The following TNC variants were observed in gnomAD, a reference collection of about 807,000 sequenced individuals.
The protein encoded by TNC is tenascin C.
TNC carries 109 observed loss-of-function variants against 202.4 expected under a neutral mutation model. The observed-to-expected ratio is 0.54, with a 90% CI of 0.46 to 0.63. The LOEUF (loss-of-function observed/expected upper bound fraction) is 0.63, where lower values mean the gene tolerates loss of function less well. Among genes scored for constraint, TNC ranks in the 30% least tolerant of loss-of-function variants. The probability of loss-of-function intolerance (pLI) is 0.00; values close to 1 mark genes in which losing one functional copy is unlikely to be tolerated. For missense variants in TNC, 2,756 were observed against 2,833.3 expected (o/e 0.97, Z 0.62); for synonymous variants, 1,007 against 1,089.7 (o/e 0.92, Z 1.50).
At chr9:115,028,976 C>G (rs1829736094) in intron 25 of TNC, among the ~76,000 whole-genome samples, 1 of 109,876 alleles carries the variant, frequency 9.1e-6, no homozygotes, top group African/African-American at 3.6e-5. Context: ...AGTCATGGAC[C>G]ACAGGTTGTT....
At chr9:115,106,730 C>A (rs1477543944) in intron 1 of TNC, among the ~76,000 whole-genome samples, 1 of 152,142 alleles carries the variant, frequency 6.6e-6, no homozygotes, top group African/African-American at 2.4e-5. Context: ...GGGCTTCACA[C>A]TATGTACTAT....
intron 22 of TNC, among the ~76,000 whole-genome samples, chr9:115,032,564 C>G (rs1437029395): frequency 6.6e-6 from 1 of 152,154 alleles, no homozygotes; most frequent in Non-Finnish European, 1.5e-5. Flanking sequence ...CAATATGATG[C>G]CTGGGCCTCA....
At chr9:115,095,928 CTT>C in intron 1 of TNC, among the ~76,000 whole-genome samples, 1 of 152,044 alleles carries the variant, frequency 6.6e-6, no homozygotes, top group East Asian at 1.9e-4. Context: ...GAGACATAGT[CTT>C]TGCATTGGCA....
At chr9:115,075,052 C>A (rs1341064769) in intron 9 of TNC, among the ~76,000 whole-genome samples, 1 of 152,136 alleles carries the variant, frequency 6.6e-6, no homozygotes, top group Non-Finnish European at 1.5e-5. Context: ...GGCCTTGCAT[C>A]CCGCATAATG....
intron 1 of TNC, among the ~76,000 whole-genome samples, chr9:115,098,499 C>A (rs1429552580): frequency 1.3e-5 from 2 of 152,172 alleles, no homozygotes; most frequent in Non-Finnish European, 2.9e-5. Flanking sequence ...GATTTTTTCC[C>A]TGGTCACAGC....
intron 6 of TNC, 51 bp from the exon 7 acceptor site, chr9:115,078,263 A>G (rs773343804): frequency 3.9e-6 from 6 of 1,541,356 alleles, no homozygotes; most frequent in Non-Finnish European, 4.4e-6. Context: ...CCATTGCCTG[A>G]GGCTTAGCAG....
Position 115,067,275 on chromosome 9 carries a change from A to G in TNC, c.3215-2356T>C, listed in dbSNP as rs557496403. 2.0e-5 allele frequency among the ~76,000 whole-genome samples: 3 copies of G among 152,350 alleles called. No individual in the cohort carries two copies. The South Asian group carries it at 6.2e-4, about 32-fold the overall frequency. ...CTGATACAGAAAGAGATATAGGACA[A>G]AAACAGAGCTAAGTGAAAATTAAAT... is the stretch of plus-strand genomic sequence containing the variant. On this transcript the variant is annotated intron_variant, in intron 10 of 27. Transcript: ENST00000350763.
chr9:115,049,997 A>C (rs1449795023), intron 15 of TNC, among the ~76,000 whole-genome samples: 2 of 152,178 alleles, frequency 1.3e-5, no homozygotes, highest in African/African-American at 4.8e-5. Flanking sequence ...TTCCACGTAA[A>C]GATTTCCCAA....
rs751801048 is a variant in TNC at position 115,087,071 on chromosome 9, A to G, written c.660T>C (p.Ala220=). The change falls in exon 3 of 28, where the codon GCT becomes GCC. Residue 220 remains alanine (A), a synonymous_variant. Coordinates refer to ENST00000350763, the MANE Select transcript of TNC (RefSeq NM_002160.4). ...GFTGEDCSQL[A]CPSDCNDQGK... ...CCTGGTCATTGCAGTCGCTGGGGCAAGCCAGCTGGCTGCAGTCCTCGCCCG... is the reference window on the plus strand; with the variant it reads ...CCTGGTCATTGCAGTCGCTGGGGCAGGCCAGCTGGCTGCAGTCCTCGCCCG... 5.6e-6 allele frequency: 9 copies of G among 1,612,992 alleles called. No homozygotes were observed. The African/African-American group carries it at 9.4e-5, about 17-fold the overall frequency.
chr9:115,085,876 C>G lies in TNC; in HGVS notation c.1855G>C (p.Asp619His). The G allele has an allele frequency of 6.2e-7, 1 of 1,608,884 alleles. No individual in the cohort carries two copies. The highest frequency in any genetic ancestry group is 8.5e-7 in the Non-Finnish European group (1 of 1,175,958). Residue 619 changes from aspartate to histidine, a missense_variant, in exon 3 of 28, where the codon GAC becomes CAC. Around this residue, in one of 2 missense-constraint regions of TNC, gnomAD observed 2,559 missense variants for 2,546.0 expected, o/e 1.01. Coordinates refer to ENST00000350763, the MANE Select transcript of TNC (RefSeq NM_002160.4). The stretch of plus-strand genomic sequence containing the variant: ...CCCTGGCACTCACCCTCTGAGCAGT[C>G]TTCTCCGCTGTAGCCCTCGTTGCAG... Reference protein sequence around the residue: ...CICNEGYSGEDCSEVSPPKDL... With the variant: ...CICNEGYSGEHCSEVSPPKDL...
At chr9:115,117,959 T>C (rs756395992) in intron 1 of TNC, 23 bp downstream of exon 1, 1 of 152,166 alleles carries the variant, frequency 6.6e-6, no homozygotes, top group Non-Finnish European at 1.5e-5. Context: ...GGATCTCTAG[T>C]GATGAGGGCA....
Position 115,086,306 on chromosome 9 carries a change from G to C in TNC, c.1425C>G (p.His475Gln). 6.2e-7 allele frequency: 1 copy of C among 1,614,130 alleles called. No individual in the cohort carries two copies. The highest frequency in any genetic ancestry group is 8.5e-7 in the Non-Finnish European group (1 of 1,180,032). Residue 475 changes from histidine (H) to glutamine (Q), a missense_variant, in exon 3 of 28, where the codon CAC becomes CAG. Physicochemically the swap from His to Gln is conservative, Grantham distance 24 (BLOSUM62 0). Coordinates refer to ENST00000350763, the MANE Select transcript of TNC (RefSeq NM_002160.4). The stretch of plus-strand genomic sequence containing the variant: ...TGCCATTCACACAGCGGCCGTGCTG[G>C]TGACAGTCATTAGGGCAGCTCATGT... ...CSDMSCPNDC[H>Q]QHGRCVNGMC...
intron 10 of TNC, among the ~76,000 whole-genome samples, chr9:115,068,911 G>A (rs1039357940): frequency 4.6e-5 from 7 of 152,252 alleles, no homozygotes; most frequent in Admixed American, 4.6e-4. Flanking sequence ...GTACCTGTCT[G>A]TATGCTCCTG....
chr9:115,039,890 A>C (rs1204242779), intron 19 of TNC, among the ~76,000 whole-genome samples: 1 of 152,264 alleles, frequency 6.6e-6, no homozygotes, highest in Non-Finnish European at 1.5e-5. Flanking sequence ...CCTGTGAGGC[A>C]GGGTGGACGG....
At chr9:115,062,608 CAAA>C (rs11323889) in intron 13 of TNC, among the ~76,000 whole-genome samples, 19 of 114,430 alleles carry the variant, frequency 1.7e-4, no homozygotes, top group Non-Finnish European at 1.1e-4. Flanking sequence ...GACCCTGACT[CAAA>C]AAAAAAAAAA....
In TNC at chr9:115,063,933, G is replaced by C. The variant is rs1588101784; in HGVS notation, c.3623C>G (p.Ala1208Gly). 6.2e-7 allele frequency: 1 copy of C among 1,614,128 alleles called. No individual in the cohort carries two copies. The highest frequency in any genetic ancestry group is 8.5e-7 in the Non-Finnish European group (1 of 1,180,016). ...TCCTCCTGGGACGGTGAGGTTCTGG[G>C]CTGCCTCTACTGTGTCAGCCTCCTG... ...QVQEADTVEA[A>G]QNLTVPGGLR... The change falls in exon 12 of 28, where the codon GCC (alanine) becomes GGC (glycine). Residue 1208 changes from alanine (A) to glycine (G), a missense_variant. Physicochemically the swap from Ala to Gly is moderately conservative, Grantham distance 60 (BLOSUM62 0). Coordinates refer to ENST00000350763, the MANE Select transcript of TNC (RefSeq NM_002160.4).
chr9:115,079,070 C>T (rs896656978), intron 6 of TNC, among the ~76,000 whole-genome samples: 13 of 152,102 alleles, frequency 8.5e-5, no homozygotes, highest in African/African-American at 1.9e-4. Flanking sequence ...TAATATCATA[C>T]GTGTCTCATT....
At chr9:115,104,349 T>A (rs949095394) in intron 1 of TNC, among the ~76,000 whole-genome samples, 14 of 152,180 alleles carry the variant, frequency 9.2e-5, no homozygotes, top group Admixed American at 5.2e-4. Flanking sequence ...CAACCCTAAA[T>A]AAGAGAACTT....
chr9:115,031,769 C>T, intron 22 of TNC, 84 bp from the exon 23 acceptor site: 4 of 1,522,924 alleles, frequency 2.6e-6, no homozygotes, highest in Non-Finnish European at 3.5e-6. Flanking sequence ...TTTATAAGTT[C>T]ATTTACCCAT....
Sources: gnomAD v4.1 joint callset for allele counts (sites outside exome capture counted in the v4.1 genomes callset) on GRCh38, gnomAD v4.1.1 for gene constraint, gnomAD v4.1.1 regional missense constraint, MANE v1.5 for transcripts, NCBI Gene and HGNC (gene_info 2026-07-23, HGNC 2026-07-21) for gene names.